The following GLYR1 variants were observed in gnomAD, a reference collection of about 807,000 sequenced individuals.
GLYR1 encodes the protein cytokine-like nuclear factor N-PAC.
A neutral mutation model predicts 72.7 loss-of-function variants in GLYR1; 21 were observed. That is an observed-to-expected ratio of 0.29 (90% CI 0.20 to 0.42). GLYR1 has a LOEUF of 0.42. GLYR1 is among the 10% of genes least tolerant of loss of function. The probability of loss-of-function intolerance (pLI) is 1.00; values close to 1 mark genes in which losing one functional copy is unlikely to be tolerated. For missense variants in GLYR1, 594 were observed against 712.1 expected (o/e 0.83, Z 1.89); for synonymous variants, 392 against 270.2 (o/e 1.45, Z -4.42).
intron 15 of GLYR1, among the ~76,000 whole-genome samples, chr16:4,809,625 A>C (rs1480874308): frequency 1.3e-5 from 2 of 151,296 alleles, no homozygotes; most frequent in Non-Finnish European, 3.0e-5. Flanking sequence ...AAAAAAAAAA[A>C]AAAAAATCAT....
At chr16:4,845,050 A>C in intron 3 of GLYR1, 24 bp downstream of exon 3, 1 of 1,505,090 alleles carries the variant, frequency 6.6e-7, no homozygotes, top group South Asian at 1.1e-5. Flanking sequence ...AGGCGAAGGG[A>C]GACTCCTGGT....
intron 6 of GLYR1, 28 bp from the exon 7 acceptor site, chr16:4,822,959 C>T: frequency 1.9e-6 from 3 of 1,600,494 alleles, no homozygotes; most frequent in South Asian, 2.2e-5. Context: ...TGAAATAAAA[C>T]CAGTTATCTG....
chr16:4,846,214 G>A lies in GLYR1; in HGVS notation c.39-4C>T, dbSNP rs767037176. On this transcript the variant is annotated splice_polypyrimidine_tract_variant and splice_region_variant and intron_variant, in intron 1 of 15. Transcript: ENST00000321919. ...AGGATATCGGCCGAGTTTCCCCCTA[G>A]AGAAAACACAAAGAGTCAACACTTG... is the stretch of plus-strand genomic sequence containing the variant. 28 of 1,613,696 alleles carry A rather than the reference G, an allele frequency of 1.7e-5. No individual in the cohort carries two copies. Among genetic ancestry groups the A allele is most frequent in the Non-Finnish European group, 2.3e-5 (27 of 1,179,858 alleles).
intron 2 of GLYR1, among the ~76,000 whole-genome samples, chr16:4,845,957 C>A (rs1051731382): frequency 6.6e-6 from 1 of 152,190 alleles, no homozygotes; most frequent in African/African-American, 2.4e-5. Flanking sequence ...TAAACCTCCT[C>A]TAAATCCAGA....
At chr16:4,828,638 C>T (rs2084587627) in intron 5 of GLYR1, among the ~76,000 whole-genome samples, 2 of 152,002 alleles carry the variant, frequency 1.3e-5, no homozygotes, top group Non-Finnish European at 2.9e-5. Flanking sequence ...GTACAAACGG[C>T]CAGTGTCTGC....
In GLYR1 at chr16:4,810,853, C is replaced by CCAGCACT. The variant is rs533966755; in HGVS notation, c.1587+310_1587+316dup. 1.6e-3 allele frequency among the ~76,000 whole-genome samples: 242 copies of CCAGCACT among 151,750 alleles called. 4 individuals are homozygous for CCAGCACT. Among genetic ancestry groups the CCAGCACT allele is most frequent in the Admixed American group, 0.014 (213 of 15,232 alleles). On this transcript the variant is annotated intron_variant, in intron 15 of 15. Coordinates refer to ENST00000321919, the MANE Select transcript of GLYR1 (RefSeq NM_032569.4). ...GGCGTGGTAGCTCATGCCTGTAATC[C>CCAGCACT]CAGCACTCTGGGAGGCAGAGGCGGG...
chr16:4,827,864 C>A (rs891705873), intron 5 of GLYR1, among the ~76,000 whole-genome samples: 6 of 151,914 alleles, frequency 3.9e-5, no homozygotes, highest in Non-Finnish European at 8.8e-5. Flanking sequence ...TGCGCCACTG[C>A]ACCGCAGCCT....
intron 3 of GLYR1, among the ~76,000 whole-genome samples, chr16:4,841,961 G>T (rs2085585364): frequency 6.6e-6 from 1 of 152,116 alleles, no homozygotes; most frequent in Non-Finnish European, 1.5e-5. Context: ...CCCATCTCTG[G>T]CTGAGTGCGA....
Position 4,805,252 on chromosome 16 carries a change from C to T in GLYR1, c.1646G>A (p.Arg549Gln). Residue 549 changes from arginine to glutamine, a missense_variant, in exon 16 of 16, where the codon CGA (arginine) becomes CAA (glutamine). Coordinates refer to ENST00000321919, the MANE Select transcript of GLYR1 (RefSeq NM_032569.4). ...QSDNDMSAVY[R>Q]AYIH ...GTCGACAGCTTAGTGTATGTAGGCT[C>T]GGTACACGGCGGACATATCGTTGTC... 1 of 1,613,994 alleles carries T rather than the reference C, an allele frequency of 6.2e-7. No homozygotes were observed. Among genetic ancestry groups the T allele is most frequent in the Non-Finnish European group, 8.5e-7 (1 of 1,179,968 alleles).
Position 4,811,761 on chromosome 16 carries a change from T to C in GLYR1, c.1324A>G (p.Met442Val). The C allele has an allele frequency of 2.5e-6, 4 of 1,614,012 alleles. No homozygotes were observed. The highest frequency in any genetic ancestry group is 3.4e-6 in the Non-Finnish European group (4 of 1,179,956). Residue 442 changes from methionine to valine, a missense_variant, in exon 14 of 16, where the codon ATG (methionine) becomes GTG (valine). Met to Val is a conservative substitution (Grantham distance 21). This residue lies in a region of GLYR1 where 266 missense variants were observed against 358.4 expected (regional missense o/e 0.74). Coordinates refer to ENST00000321919, the MANE Select transcript of GLYR1 (RefSeq NM_032569.4). ...GTGGCCATGAAGCTCCCTTGGACCA[T>C]GTTCACGATCAGCATCATCTTGGCT... is the stretch of plus-strand genomic sequence containing the variant. ...NAAKMMLIVNMVQGSFMATIA... is the reference protein window; with the variant it reads ...NAAKMMLIVNVVQGSFMATIA...
At chr16:4,811,108 A>C (rs2141952131) in intron 15 of GLYR1, 62 bp downstream of exon 15, 2 of 1,566,794 alleles carry the variant, frequency 1.3e-6, no homozygotes, top group Non-Finnish European at 1.7e-6. Context: ...CCGTTAAAAA[A>C]AAAAAAAAAA....
intron 3 of GLYR1, chr16:4,840,368 G>A (rs2085459851): frequency 6.6e-6 from 1 of 152,180 alleles, no homozygotes; most frequent in Non-Finnish European, 1.5e-5. Context: ...CCCTTTGAAA[G>A]CATGATCTGA....
chr16:4,831,129 CT>C (rs1274728453), intron 5 of GLYR1, among the ~76,000 whole-genome samples: 3 of 152,204 alleles, frequency 2.0e-5, no homozygotes, highest in Admixed American at 6.5e-5. Context: ...TGGAAATCCT[CT>C]TTTCCTTTTT....
At chr16:4,822,818 A>C in intron 7 of GLYR1, 57 bp downstream of exon 7, 1 of 1,414,362 alleles carries the variant, frequency 7.1e-7, no homozygotes, top group South Asian at 1.1e-5. Flanking sequence ...GACCCAGTGG[A>C]GGAGCACTCC....
chr16:4,821,175 C>G (rs1314731928), intron 9 of GLYR1: 1 of 607,490 alleles, frequency 1.6e-6, no homozygotes, highest in South Asian at 2.1e-5. Flanking sequence ...AATCCCTCAG[C>G]TTATGCCCAA....
In GLYR1 at chr16:4,832,793, C is replaced by A; in HGVS notation, c.275G>T (p.Arg92Ile). Residue 92 changes from arginine (R) to isoleucine (I), a missense_variant, in exon 4 of 16, where the codon AGA becomes ATA. Coordinates refer to ENST00000321919, the MANE Select transcript of GLYR1 (RefSeq NM_032569.4). ...AVDAVEEFLR[R>I]AKGKDQTSSH... ...TCTCACCTGGTCTTTCCCTTTGGCTCTCCTGAGGAACTCTTCGACAGCATC... is the reference window on the plus strand; with the variant it reads ...TCTCACCTGGTCTTTCCCTTTGGCTATCCTGAGGAACTCTTCGACAGCATC... 1.9e-6 allele frequency: 3 copies of A among 1,610,398 alleles called. No individual in the cohort carries two copies. Among genetic ancestry groups the A allele is most frequent in the Non-Finnish European group, 2.5e-6 (3 of 1,178,448 alleles).
At chr16:4,831,921 C>T (rs2084826250) in intron 5 of GLYR1, 58 bp downstream of exon 5, 1 of 1,577,980 alleles carries the variant, frequency 6.3e-7, no homozygotes, top group Non-Finnish European at 8.6e-7. Context: ...TAGAGCTTAA[C>T]TCTACCTTGT....
At position 4,812,712 on chromosome 16, in the gene GLYR1, T is replaced by C. The variant is rs181003880; in HGVS notation, c.1120-464A>G. On this transcript the variant is annotated intron_variant, in intron 12 of 15. Transcript: ENST00000321919. Reference sequence around the variant, plus strand: ...TTCACCATATTAGCCAGGATTGTCTTGATCTCCTGACCTTGTGATCCGCCC... The same window carrying C: ...TTCACCATATTAGCCAGGATTGTCTCGATCTCCTGACCTTGTGATCCGCCC... Among the ~76,000 whole-genome samples the C allele has an allele frequency of 5.7e-3, 861 of 151,768 alleles. 6 individuals are homozygous for C. Among genetic ancestry groups the C allele is most frequent in the South Asian group, 0.03 (144 of 4,794 alleles).
At chr16:4,824,832 A>G (rs901939922) in intron 5 of GLYR1, among the ~76,000 whole-genome samples, 1 of 152,024 alleles carries the variant, frequency 6.6e-6, no homozygotes, top group African/African-American at 2.4e-5. Flanking sequence ...CCCTTTCCCC[A>G]GTCACTCCCT....
Sources: gnomAD v4.1 joint callset for allele counts (sites outside exome capture counted in the v4.1 genomes callset) on GRCh38, gnomAD v4.1.1 for gene constraint, gnomAD v4.1.1 regional missense constraint, MANE v1.5 for transcripts, NCBI Gene and HGNC (gene_info 2026-07-23, HGNC 2026-07-21) for gene names.